ARFIP1: variants seen among roughly 807,000 people sequenced by gnomAD.
ARFIP1 encodes the protein ARF interacting protein 1.
Under a neutral mutation model 42.5 loss-of-function variants are expected in ARFIP1, and 24 were observed. That is an observed-to-expected ratio of 0.57 (90% CI 0.41 to 0.80). ARFIP1 has a LOEUF of 0.80. Ranked by LOEUF, ARFIP1 falls within the 30% of genes least tolerant of loss-of-function variation. ARFIP1 has a pLI of 0.00. For missense variants in ARFIP1, 354 were observed against 434.0 expected (o/e 0.82, Z 1.64); for synonymous variants, 141 against 153.7 (o/e 0.92, Z 0.61).
intron 1 of ARFIP1, among the ~76,000 whole-genome samples, chr4:152,825,949 C>T (rs769364308): frequency 5.9e-5 from 9 of 151,894 alleles, no homozygotes; most frequent in Non-Finnish European, 1.0e-4. Flanking sequence ...TTAAAACCAC[C>T]GTGAGATACC....
chr4:152,831,103 A>T (rs1731211315), intron 2 of ARFIP1, among the ~76,000 whole-genome samples: 1 of 152,222 alleles, frequency 6.6e-6, no homozygotes, highest in South Asian at 2.1e-4. Flanking sequence ...ACACCTGCAT[A>T]ATAAAGAAAC....
At chr4:152,890,204 G>A (rs1295276548) in intron 8 of ARFIP1, among the ~76,000 whole-genome samples, 2 of 152,098 alleles carry the variant, frequency 1.3e-5, no homozygotes, top group African/African-American at 4.8e-5. Context: ...ATGGTAATTG[G>A]AAGCCAGATT....
intron 7 of ARFIP1, among the ~76,000 whole-genome samples, chr4:152,884,115 C>G (rs1019966348): frequency 6.6e-6 from 1 of 151,898 alleles, no homozygotes; most frequent in Admixed American, 6.6e-5. Flanking sequence ...GCTTCTGTCC[C>G]ATACCATGTT....
intron 8 of ARFIP1, among the ~76,000 whole-genome samples, chr4:152,901,596 T>C (rs777955526): frequency 2.6e-5 from 4 of 152,360 alleles, no homozygotes; most frequent in South Asian, 4.1e-4. Flanking sequence ...GTTTCTGATA[T>C]TAGGTTTTCA....
At position 152,881,069 on chromosome 4, in the gene ARFIP1, A is replaced by T; in HGVS notation, c.518A>T (p.Glu173Val). The T allele has an allele frequency of 6.2e-7, 1 of 1,613,710 alleles. No individual in the cohort carries two copies. Among genetic ancestry groups the T allele is most frequent in the Non-Finnish European group, 8.5e-7 (1 of 1,179,650 alleles). ...DILRDNKKKY[E>V]NILKLAQTLS... ...TTAAGGGATAACAAGAAAAAATATG[A>T]AAATATTTTAAAACTGGCTCAAACA... Residue 173 changes from glutamate (E) to valine (V), a missense_variant, in exon 6 of 9, where the codon GAA becomes GTA. Glu to Val is a moderately radical substitution (Grantham distance 121). Transcript: ENST00000353617.
chr4:152,822,296 TAA>T (rs70949618), intron 1 of ARFIP1, among the ~76,000 whole-genome samples: 11,798 of 65,156 alleles, frequency 0.18, 438 homozygotes, highest in Middle Eastern at 0.24. Context: ...GCAACAGCAG[TAA>T]AAAAAAAAAA....
At chr4:152,841,952 G>A (rs967826094) in intron 2 of ARFIP1, among the ~76,000 whole-genome samples, 3 of 152,134 alleles carry the variant, frequency 2.0e-5, no homozygotes, top group African/African-American at 7.2e-5. Flanking sequence ...CAGTTAGAGC[G>A]GTCGTCAGCC....
At chr4:152,781,266 C>T (rs1402808846) in intron 1 of ARFIP1, among the ~76,000 whole-genome samples, 1 of 127,220 alleles carries the variant, frequency 7.9e-6, no homozygotes, top group Non-Finnish European at 1.6e-5. Flanking sequence ...GACAGAGTCT[C>T]ACTCTGTCGC....
chr4:152,818,789 T>G lies in ARFIP1; in HGVS notation c.-9-10836T>G, dbSNP rs542945272. ...TAGGTGGCTGCTGCTAGCAGAACAC[T>G]ATGGGTTGTGAGACCTGCCTTGCCA... On this transcript the variant is annotated intron_variant, in intron 1 of 8. Coordinates refer to ENST00000353617, the MANE Select transcript of ARFIP1 (RefSeq NM_001025595.3). 2.6e-5 allele frequency among the ~76,000 whole-genome samples: 4 copies of G among 152,256 alleles called. 1 individual carries two copies. The South Asian group carries it at 8.3e-4, about 32-fold the overall frequency.
chr4:152,904,176 G>GTATATATATATA (rs1435452275), intron 8 of ARFIP1, among the ~76,000 whole-genome samples: 1 of 98,996 alleles, frequency 1.0e-5, no homozygotes, highest in African/African-American at 3.6e-5. Context: ...ATATGTGTGT[G>GTATATATATATA]TGTGTATATA....
At chr4:152,792,265 A>G (rs538747500) in intron 1 of ARFIP1, among the ~76,000 whole-genome samples, 2 of 152,272 alleles carry the variant, frequency 1.3e-5, no homozygotes, top group Middle Eastern at 3.4e-3. Context: ...TTTTTTTACT[A>G]AAGTACCTTT....
At chr4:152,881,356 T>G (rs1735833163) in intron 6 of ARFIP1, among the ~76,000 whole-genome samples, 172 bp downstream of exon 6, 1 of 152,174 alleles carries the variant, frequency 6.6e-6, no homozygotes, top group Non-Finnish European at 1.5e-5. Context: ...TGATATGACT[T>G]CTGTTAACTT....
intron 2 of ARFIP1, among the ~76,000 whole-genome samples, chr4:152,861,317 A>G (rs1288571678): frequency 1.3e-5 from 2 of 152,186 alleles, no homozygotes; most frequent in African/African-American, 2.4e-5. Flanking sequence ...TTTTGTTTCT[A>G]TTCTTTATAG....
intron 7 of ARFIP1, among the ~76,000 whole-genome samples, chr4:152,884,504 A>G (rs1736110952): frequency 6.6e-6 from 1 of 151,882 alleles, no homozygotes; most frequent in South Asian, 2.1e-4. Flanking sequence ...TGATTGTTTT[A>G]ACATGTATGG....
intron 1 of ARFIP1, among the ~76,000 whole-genome samples, chr4:152,810,748 G>A (rs1168937264): frequency 1.3e-5 from 2 of 152,070 alleles, no homozygotes; most frequent in African/African-American, 2.4e-5. Flanking sequence ...CCTGGGAGGC[G>A]GAGCTTGCAG....
chr4:152,822,204 A>T (rs1161311940), intron 1 of ARFIP1, among the ~76,000 whole-genome samples: 4 of 149,510 alleles, frequency 2.7e-5, no homozygotes, highest in Non-Finnish European at 5.9e-5. Flanking sequence ...CTCAAGGTAG[A>T]GGGATGGAAA....
chr4:152,802,139 A>AT (rs1339107077), intron 1 of ARFIP1, among the ~76,000 whole-genome samples: 1 of 152,186 alleles, frequency 6.6e-6, no homozygotes, highest in African/African-American at 2.4e-5. Context: ...ATTTAATAGA[A>AT]TTACTTTCTT....
chr4:152,867,793 A>G (rs1163784204), intron 3 of ARFIP1, among the ~76,000 whole-genome samples: 1 of 152,174 alleles, frequency 6.6e-6, no homozygotes, highest in East Asian at 1.9e-4. Context: ...TGGCAGTAAT[A>G]TATGTCTCTC....
intron 8 of ARFIP1, among the ~76,000 whole-genome samples, chr4:152,904,353 G>A (rs1217461085): frequency 2.0e-5 from 3 of 151,598 alleles, no homozygotes; most frequent in Admixed American, 6.6e-5. Flanking sequence ...CACCACGCCC[G>A]GCTCATTTTT....
Sources: allele counts gnomAD v4.1 joint callset (sites outside exome capture counted in the v4.1 genomes callset), GRCh38; gene constraint gnomAD v4.1.1; transcripts MANE v1.5; gene names NCBI Gene and HGNC (gene_info 2026-07-23, HGNC 2026-07-21).